The following RPS6KA2 variants were observed in gnomAD, a reference collection of about 807,000 sequenced individuals.
RPS6KA2 encodes the protein ribosomal protein S6 kinase A2.
RPS6KA2 carries 42 observed loss-of-function variants against 91.8 expected under a neutral mutation model. That is an observed-to-expected ratio of 0.46 (90% CI 0.36 to 0.59). The LOEUF is 0.59. Among genes scored for constraint, RPS6KA2 ranks in the 20% least tolerant of loss-of-function variants. The pLI, the probability that RPS6KA2 is intolerant of heterozygous loss-of-function variation, is 0.00. For synonymous variants in RPS6KA2, 414 were observed against 393.6 expected (o/e 1.05, Z -0.61); for missense variants, 798 against 978.5 (o/e 0.82, Z 2.46).
intron 2 of RPS6KA2, among the ~76,000 whole-genome samples, chr6:166,768,199 A>G (rs979106742): frequency 6.6e-6 from 1 of 152,190 alleles, no homozygotes; most frequent in Non-Finnish European, 1.5e-5. Context: ...GGCCCTGGAC[A>G]AGCTCCCCCC....
chr6:166,791,063 A>ACTGGCAAATT (rs1474553784), intron 2 of RPS6KA2, among the ~76,000 whole-genome samples: 2 of 152,244 alleles, frequency 1.3e-5, no homozygotes, highest in East Asian at 3.8e-4. Flanking sequence ...AAAGACACAG[A>ACTGGCAAATT]CTGGCAAATT....
intron 2 of RPS6KA2, among the ~76,000 whole-genome samples, chr6:166,670,964 C>A (rs771318526): frequency 2.6e-5 from 4 of 152,142 alleles, no homozygotes; most frequent in African/African-American, 4.8e-5. Flanking sequence ...GGGATTACAG[C>A]CTCGTGCCAC....
rs146510160 is a variant in RPS6KA2 at position 166,722,572 on chromosome 6, A to G, written c.123+135628T>C. 4.9e-4 allele frequency among the ~76,000 whole-genome samples: 75 copies of G among 152,310 alleles called. No homozygotes were observed. The East Asian group carries it at 0.011, about 22-fold the overall frequency. ...GACTGGTGGCTGCAATGGGAGTGGA[A>G]TGTCCACCTGGCTTTGGGTCCGTGA... On this transcript the variant is annotated intron_variant, in intron 2 of 21. Transcript: ENST00000503859.
intron 3 of RPS6KA2, among the ~76,000 whole-genome samples, chr6:166,516,949 T>C (rs920396035): frequency 2.0e-5 from 3 of 152,224 alleles, no homozygotes; most frequent in Non-Finnish European, 2.9e-5. Flanking sequence ...ATAGGACTGA[T>C]GTTATTGAAT....
chr6:166,415,301 G>A (rs1312086816), intron 19 of RPS6KA2, among the ~76,000 whole-genome samples: 3 of 151,642 alleles, frequency 2.0e-5, no homozygotes, highest in Non-Finnish European at 4.4e-5. Flanking sequence ...AAGCCTTTAG[G>A]GCTTTAATAA....
At chr6:166,788,531 T>C (rs182281495) in intron 2 of RPS6KA2, among the ~76,000 whole-genome samples, 2 of 152,206 alleles carry the variant, frequency 1.3e-5, no homozygotes, top group African/African-American at 4.8e-5. Flanking sequence ...ATCATGTTCT[T>C]TGCAGGGACA....
intron 4 of RPS6KA2, among the ~76,000 whole-genome samples, chr6:166,509,777 G>A (rs1303666570): frequency 6.6e-6 from 1 of 152,210 alleles, no homozygotes. Context: ...AAGCAGCTAT[G>A]TGGCCTTTGG....
intron 6 of RPS6KA2, among the ~76,000 whole-genome samples, chr6:166,504,210 C>T (rs11760025): frequency 0.033 from 4,978 of 152,314 alleles, 136 homozygotes; most frequent in Admixed American, 0.088. Flanking sequence ...GTGCCCCTCC[C>T]CAGCTCCGGC....
rs368990211 is a variant in RPS6KA2 at position 166,654,056 on chromosome 6, T to C, written c.124-115272A>G. On this transcript the variant is annotated intron_variant, in intron 2 of 21. Coordinates refer to the RPS6KA2 transcript ENST00000503859. ...ACTAGGGAAGACTAACCAGATGTGA[T>C]AGCACACTGTATTCTGATCGAAAGT... 3.3e-5 allele frequency among the ~76,000 whole-genome samples: 5 copies of C among 152,362 alleles called. No homozygotes were observed. In the East Asian group the frequency reaches 7.7e-4, roughly 23 times the overall value.
rs1420779645 is a variant in RPS6KA2, at chr6:166,437,646, T to C, written c.1333-5156A>G. On this transcript the variant is annotated intron_variant, in intron 14 of 20. Transcript: ENST00000265678. This position sits in a 1 kb window ranked among gnomAD's most constrained non-coding sequence, Gnocchi z 4.3. The stretch of plus-strand genomic sequence containing the variant: ...TGAATATTTCCACCTTCCTTAGAGA[T>C]GCTGAGTCTAGGGGTCTGAATATCC... 6.6e-6 allele frequency among the ~76,000 whole-genome samples: 1 copy of C among 152,198 alleles called. No individual in the cohort carries two copies. The highest frequency in any genetic ancestry group is 1.5e-5 in the Non-Finnish European group (1 of 68,042).
At chr6:166,702,835 T>C (rs939810497) in intron 2 of RPS6KA2, 12 of 1,008,270 alleles carry the variant, frequency 1.2e-5, no homozygotes, top group Non-Finnish European at 1.9e-5. Flanking sequence ...ATACGGTTTG[T>C]TCATTGTGAA....
intron 2 of RPS6KA2, among the ~76,000 whole-genome samples, chr6:166,729,859 C>T (rs1790458160): frequency 6.6e-6 from 1 of 152,172 alleles, no homozygotes; most frequent in East Asian, 1.9e-4. Context: ...ACACCCACTT[C>T]CTGTGTGTGA....
At chr6:166,803,123 T>C (rs1779411754) in intron 2 of RPS6KA2, among the ~76,000 whole-genome samples, 2 of 152,086 alleles carry the variant, frequency 1.3e-5, no homozygotes, top group African/African-American at 4.8e-5. Flanking sequence ...AAAAGGACAT[T>C]CCAAAACAGA....
chr6:166,527,077 C>A (rs3799653), intron 3 of RPS6KA2, among the ~76,000 whole-genome samples: 29,783 of 152,136 alleles, frequency 0.2, 3,103 homozygotes, highest in African/African-American at 0.26. Context: ...CGAGATGGAG[C>A]GTTCTGCACT....
intron 2 of RPS6KA2, among the ~76,000 whole-genome samples, chr6:166,832,476 C>G (rs889844126): frequency 6.6e-6 from 1 of 152,182 alleles, no homozygotes; most frequent in African/African-American, 2.4e-5. Context: ...CAAGATATTA[C>G]TCTAGAGACA....
At chr6:166,649,628 A>T (rs1379854196) in intron 2 of RPS6KA2, among the ~76,000 whole-genome samples, 3 of 152,196 alleles carry the variant, frequency 2.0e-5, no homozygotes, top group Non-Finnish European at 4.4e-5. Flanking sequence ...TTTGGGAATT[A>T]TACCTTACTC....
At chr6:166,750,599 C>T (rs1301945367) in intron 2 of RPS6KA2, among the ~76,000 whole-genome samples, 4 of 152,324 alleles carry the variant, frequency 2.6e-5, no homozygotes, top group Admixed American at 2.0e-4. Context: ...TGCTGTCTTC[C>T]CTTCTACTGT....
At position 166,603,545 on chromosome 6, in the gene RPS6KA2, C is replaced by T. The variant is rs1006905266; in HGVS notation, c.99+23376G>A. Among the ~76,000 whole-genome samples the T allele has an allele frequency of 1.3e-5, 2 of 152,056 alleles. No homozygotes were observed. The highest frequency in any genetic ancestry group is 2.9e-5 in the Non-Finnish European group (2 of 68,014). ...ACCAGTCACCTTCTGGAGTCGAGGGCGCCCAGGTAAAGGGCTTTGGCATGG... is the reference window on the plus strand; with the variant it reads ...ACCAGTCACCTTCTGGAGTCGAGGGTGCCCAGGTAAAGGGCTTTGGCATGG... On this transcript the variant is annotated intron_variant, in intron 1 of 20. Coordinates refer to ENST00000265678, the MANE Select transcript of RPS6KA2 (RefSeq NM_021135.6). This position sits in a 1 kb window ranked among gnomAD's most constrained non-coding sequence, Gnocchi z 4.3.
intron 11 of RPS6KA2, chr6:166,463,063 G>A (rs1780382396): frequency 5.3e-5 from 8 of 152,302 alleles, no homozygotes; most frequent in Admixed American, 5.2e-4. Context: ...TGGCCAACTG[G>A]AGCCGGTCAC....
Sources: gnomAD v4.1 joint callset for allele counts (sites outside exome capture counted in the v4.1 genomes callset) on GRCh38, gnomAD v4.1.1 for gene constraint, Gnocchi (gnomAD v3.1) non-coding constraint, MANE v1.5 for transcripts, NCBI Gene and HGNC (gene_info 2026-07-23, HGNC 2026-07-21) for gene names.